Variants in SIMC1 observed in about 807,000 individuals in gnomAD.
The protein encoded by SIMC1 is SUMO interacting motifs containing 1, also known as SUMO-interacting motif-containing protein 1.
SIMC1 carries 55 observed loss-of-function variants against 82.3 expected under a neutral mutation model. That is an observed-to-expected ratio of 0.67 (90% confidence interval 0.54 to 0.84). SIMC1 has a LOEUF of 0.84. Ranked by LOEUF, SIMC1 falls within the 40% of genes least tolerant of loss-of-function variation. The pLI, the probability that SIMC1 is intolerant of heterozygous loss-of-function variation, is 0.00. For missense variants in SIMC1, 915 were observed against 1,107.2 expected, an observed-to-expected ratio of 0.83 and a Z score of 2.46; for synonymous variants, 353 against 426.3, an observed-to-expected ratio of 0.83 and a Z score of 2.12.
At chr5:176,301,244 G>A (rs1237939408) in intron 4 of SIMC1, among the ~76,000 whole-genome samples, 4 of 152,158 alleles carry the variant, frequency 2.6e-5, no homozygotes, top group Admixed American at 6.5e-5. Context: ...TCTCATAATA[G>A]TGAATAAATC....
intron 1 of SIMC1, among the ~76,000 whole-genome samples, chr5:176,268,364 A>G (rs918289270): frequency 8.2e-5 from 9 of 110,338 alleles, no homozygotes; most frequent in Middle Eastern, 3.9e-3. Flanking sequence ...AGAGATTGTC[A>G]GACTGGACCA....
At chr5:176,316,452 A>G (rs1243581427) in intron 5 of SIMC1, among the ~76,000 whole-genome samples, 10 of 147,976 alleles carry the variant, frequency 6.8e-5, no homozygotes, top group Admixed American at 3.5e-4. Context: ...AGATCACTTG[A>G]GGTCAGGAGT....
At chr5:176,257,265 T>C (rs1561674047) in intron 1 of SIMC1, among the ~76,000 whole-genome samples, 1 of 152,198 alleles carries the variant, frequency 6.6e-6, no homozygotes, top group Non-Finnish European at 1.5e-5. Context: ...TCTCTCACCT[T>C]ATGCAAAAAA....
chr5:176,296,097 C>T, intron 3 of SIMC1, 154 bp from the exon 4 acceptor site: 3 of 1,338,860 alleles, frequency 2.2e-6, no homozygotes, highest in Non-Finnish European at 3.0e-6. Flanking sequence ...AGTTCCACTA[C>T]TCTCAGATTG....
chr5:176,318,433 C>A (rs1039650453), intron 5 of SIMC1, among the ~76,000 whole-genome samples: 1 of 152,136 alleles, frequency 6.6e-6, no homozygotes, highest in African/African-American at 2.4e-5. Flanking sequence ...CTGGATTGTC[C>A]TACTAGTTTC....
intron 1 of SIMC1, among the ~76,000 whole-genome samples, chr5:176,251,215 C>G (rs1761639481): frequency 6.6e-6 from 1 of 152,094 alleles, no homozygotes; most frequent in Non-Finnish European, 1.5e-5. Flanking sequence ...CACAAATTAG[C>G]TAGGTGTGAT....
chr5:176,338,785 G>T (rs1256431465), intron 9 of SIMC1, among the ~76,000 whole-genome samples: 1 of 118,080 alleles, frequency 8.5e-6, no homozygotes, highest in Non-Finnish European at 1.8e-5. Flanking sequence ...GAAAGCTGTT[G>T]TAGAGACTTT....
At chr5:176,310,873 C>A (rs1339673390) in intron 4 of SIMC1, among the ~76,000 whole-genome samples, 1 of 151,016 alleles carries the variant, frequency 6.6e-6, no homozygotes, top group Non-Finnish European at 1.5e-5. Flanking sequence ...GTCTAGATAG[C>A]AAAAAATAAA....
chr5:176,296,130 G>A (rs1404529604), intron 3 of SIMC1, 121 bp from the exon 4 acceptor site: 16 of 1,529,596 alleles, frequency 1.0e-5, no homozygotes, highest in Non-Finnish European at 1.4e-5. Context: ...ACCAGAAAGT[G>A]AGCAAGAGCA....
At chr5:176,307,919 A>G (rs576025134) in intron 4 of SIMC1, 2 of 534,718 alleles carry the variant, frequency 3.7e-6, no homozygotes, top group South Asian at 4.3e-5. Context: ...AAAACCTGTC[A>G]GCCAAAGACA....
chr5:176,313,484 G>C (rs778810201), intron 4 of SIMC1: 2 of 1,552,400 alleles, frequency 1.3e-6, no homozygotes, highest in Admixed American at 2.0e-5. Context: ...AACCTTATAA[G>C]GTATGATTTT....
chr5:176,313,321 T>TTAA, intron 4 of SIMC1: 1 of 1,466,490 alleles, frequency 6.8e-7, no homozygotes, highest in South Asian at 1.4e-5. Flanking sequence ...AGGGAGAGAT[T>TTAA]GACTTCCCAT....
chr5:176,324,025 A>G (rs901254249), intron 6 of SIMC1, among the ~76,000 whole-genome samples: 2 of 151,640 alleles, frequency 1.3e-5, no homozygotes, highest in Non-Finnish European at 2.9e-5. Context: ...CACGTGTTAG[A>G]AAAGGCTGAT....
At chr5:176,323,574 C>T (rs897725556) in intron 6 of SIMC1, among the ~76,000 whole-genome samples, 4 of 152,160 alleles carry the variant, frequency 2.6e-5, no homozygotes, top group Admixed American at 2.0e-4. Context: ...AGTAACTTGT[C>T]GAAGGTTAAA....
chr5:176,259,732 C>T (rs1336750369), intron 1 of SIMC1, among the ~76,000 whole-genome samples: 1 of 151,298 alleles, frequency 6.6e-6, no homozygotes, highest in African/African-American at 2.4e-5. Context: ...GAAATCGTGC[C>T]ACTGCACTCC....
intron 1 of SIMC1, among the ~76,000 whole-genome samples, chr5:176,280,269 C>G: frequency 6.6e-6 from 1 of 152,128 alleles, no homozygotes; most frequent in Non-Finnish European, 1.5e-5. Flanking sequence ...GGTTTAAAGT[C>G]TGTTTTATCA....
chr5:176,256,734 C>T (rs1181911291), intron 1 of SIMC1, among the ~76,000 whole-genome samples: 1 of 152,046 alleles, frequency 6.6e-6, no homozygotes, highest in East Asian at 1.9e-4. Context: ...AAACAATTAT[C>T]TTTTCTCCAA....
chr5:176,300,819 C>T lies in SIMC1; in HGVS notation c.1734+4499C>T, dbSNP rs148850081. Among the ~76,000 whole-genome samples the T allele has an allele frequency of 2.9e-3, 435 of 152,252 alleles. 1 individual carries two copies. The highest frequency in any genetic ancestry group is 0.01 in the Middle Eastern group (3 of 294). ...AAGGATTATAAGAGAATACTACCAACAATTATACCCCCAATAAACTGGATA... is the reference window on the plus strand; with the variant it reads ...AAGGATTATAAGAGAATACTACCAATAATTATACCCCCAATAAACTGGATA... On this transcript the variant is annotated intron_variant, in intron 4 of 9. Coordinates refer to ENST00000429602, the MANE Select transcript of SIMC1 (RefSeq NM_001308195.2).
At position 176,329,591 on chromosome 5, in the gene SIMC1, T is replaced by C. The variant is rs202230087; in HGVS notation, c.2171+4834T>C. 1.4e-4 allele frequency among the ~76,000 whole-genome samples: 21 copies of C among 152,010 alleles called. No homozygotes were observed. In the East Asian group the frequency reaches 3.9e-3, roughly 28 times the overall value. On this transcript the variant is annotated intron_variant, in intron 7 of 9. Transcript: ENST00000429602. ...AGCTACAATCATCCATCCTCCCAGCTACTGGCAAACGCTAATCTGTTCTCT... is the reference window on the plus strand; with the variant it reads ...AGCTACAATCATCCATCCTCCCAGCCACTGGCAAACGCTAATCTGTTCTCT...
Sources: gnomAD v4.1 joint callset for allele counts (sites outside exome capture counted in the v4.1 genomes callset) on GRCh38, gnomAD v4.1.1 for gene constraint, MANE v1.5 for transcripts, NCBI Gene and HGNC (gene_info 2026-07-23, HGNC 2026-07-21) for gene names.